PPIP5K2: variants seen among roughly 807,000 people sequenced by gnomAD.
PPIP5K2 encodes inositol hexakisphosphate and diphosphoinositol-pentakisphosphate kinase 2.
PPIP5K2 carries 105 observed loss-of-function variants against 154.6 expected under a neutral mutation model. The observed-to-expected ratio is 0.68, with a 90% CI of 0.58 to 0.80. The LOEUF (loss-of-function observed/expected upper bound fraction) is 0.80, where lower values mean the gene tolerates loss of function less well. PPIP5K2 is among the 30% of genes least tolerant of loss of function. PPIP5K2 has a pLI of 0.00. For missense variants in PPIP5K2, 992 were observed against 1,504.6 expected (o/e 0.66, Z 5.64); for synonymous variants, 480 against 490.3 (o/e 0.98, Z 0.28).
At chr5:103,170,658 A>ATT (rs571928528) in intron 19 of PPIP5K2, among the ~76,000 whole-genome samples, 2 of 146,230 alleles carry the variant, frequency 1.4e-5, no homozygotes, top group African/African-American at 4.9e-5. Flanking sequence ...GAAACTTTGG[A>ATT]TTTTTTTTTT....
Position 103,206,946 on chromosome 5 carries a change from A to T in PPIP5K2, c.*5312A>T, listed in dbSNP as rs1803547306. ...AAACAACTGAGTCAGAGTGGAGATG[A>T]GTGTCTCAGTCAAGGCCCACCAATA... On this transcript the variant is annotated 3_prime_UTR_variant, in exon 31 of 31. Transcript: ENST00000358359. The T allele has an allele frequency of 6.6e-6, 1 of 152,260 alleles. No individual in the cohort carries two copies. Among genetic ancestry groups the T allele is most frequent in the African/African-American group, 2.4e-5 (1 of 41,458 alleles). The allele number at this position is 152,260 out of a possible 1,614,324, so 9.4% of individuals were successfully genotyped here. A position where few individuals can be genotyped will look rare whatever the true frequency, so the allele number is the denominator to read the frequency against.
intron 17 of PPIP5K2, 70 bp downstream of exon 17, chr5:103,159,398 A>T (rs1426191923): frequency 1.6e-6 from 2 of 1,257,278 alleles, no homozygotes; most frequent in Non-Finnish European, 2.2e-6. Context: ...TGCATAAAAC[A>T]TACATGTAGA....
At chr5:103,135,841 C>A (rs1313104795) in intron 3 of PPIP5K2, among the ~76,000 whole-genome samples, 2 of 151,908 alleles carry the variant, frequency 1.3e-5, no homozygotes, top group African/African-American at 4.8e-5. Flanking sequence ...GTAATTAGTA[C>A]TTTTACCAGT....
intron 17 of PPIP5K2, 30 bp from the exon 18 acceptor site, chr5:103,167,149 A>G: frequency 3.4e-6 from 5 of 1,453,358 alleles, no homozygotes; most frequent in Non-Finnish European, 3.7e-6. Context: ...GCATAACCAG[A>G]TATAAAATAT....
At position 103,212,137 on chromosome 5, in the gene PPIP5K2, G is replaced by C. The variant is rs1414177737; in HGVS notation, c.*10503G>C. 1 of 152,068 alleles carries C rather than the reference G, an allele frequency of 6.6e-6. No individual in the cohort carries two copies. The highest frequency in any genetic ancestry group is 2.4e-5 in the African/African-American group (1 of 41,406). The allele number at this position is 152,068 out of a possible 1,614,324, so 9.4% of individuals were successfully genotyped here. A position where few individuals can be genotyped will look rare whatever the true frequency, so the allele number is the denominator to read the frequency against. ...ATGCATGACAGATTGCTGGAATTGGGCTCCATTCACAAAGGAGGGAGCAGG... is the reference window on the plus strand; with the variant it reads ...ATGCATGACAGATTGCTGGAATTGGCCTCCATTCACAAAGGAGGGAGCAGG... On this transcript the variant is annotated 3_prime_UTR_variant, in exon 31 of 31. Transcript: ENST00000358359.
chr5:103,202,048 C>A lies in PPIP5K2; in HGVS notation c.*414C>A, dbSNP rs1205546281. On this transcript the variant is annotated 3_prime_UTR_variant, in exon 31 of 31. Transcript: ENST00000358359. ...GATTGAAATTTGACAGCCAGGGTTA[C>A]ATATTGGGGACTTTTAAAGTGTCTT... 1 of 155,960 alleles carries A rather than the reference C, an allele frequency of 6.4e-6. No homozygotes were observed. Among genetic ancestry groups the A allele is most frequent in the East Asian group, 1.9e-4 (1 of 5,296 alleles). 9.7% of individuals were successfully genotyped at this position (155,960 alleles called of 1,614,324 possible). A position where few individuals can be genotyped will look rare whatever the true frequency, so the allele number is the denominator to read the frequency against.
chr5:103,132,309 A>T (rs1790760708), intron 2 of PPIP5K2, among the ~76,000 whole-genome samples: 1 of 152,178 alleles, frequency 6.6e-6, no homozygotes, highest in Admixed American at 6.5e-5. Flanking sequence ...TGGGAGGCCG[A>T]AGCAGACAGA....
At position 103,174,012 on chromosome 5, in the gene PPIP5K2, A is replaced by G. The variant is rs375555275; in HGVS notation, c.2529+40A>G. ...TTATTTCAGTCTAACAAATATATTT[A>G]ATTTTGTAATTAAATCACTAACTGC... On this transcript the variant is annotated intron_variant, in intron 21 of 30. Transcript: ENST00000358359. 7.9e-6 allele frequency: 11 copies of G among 1,389,676 alleles called. No individual in the cohort carries two copies. The African/African-American group carries it at 1.5e-4, about 18-fold the overall frequency. 86.1% of individuals were successfully genotyped at this position (1,389,676 alleles called of 1,614,324 possible).
rs1554211713 is a variant in PPIP5K2, at chr5:103,152,691, T to C, written c.1072T>C (p.Trp358Arg). Residue 358 changes from tryptophan (W) to arginine (R), a missense_variant, in exon 10 of 31, where the codon TGG becomes CGG. This residue lies in a region of PPIP5K2 where 163 missense variants were observed against 285.2 expected (regional missense o/e 0.57). Transcript: ENST00000358359. ...ACTTGCTCCACAATTTCATATTCCATGGTCAATACCCTTAGAAGCTGAAGA... is the reference window on the plus strand; with the variant it reads ...ACTTGCTCCACAATTTCATATTCCACGGTCAATACCCTTAGAAGCTGAAGA... The part of the protein sequence containing the change: ...RELAPQFHIP[W>R]SIPLEAEDIP... 1 of 1,597,582 alleles carries C rather than the reference T, an allele frequency of 6.3e-7. No individual in the cohort carries two copies. Among genetic ancestry groups the C allele is most frequent in the Non-Finnish European group, 8.6e-7 (1 of 1,165,630 alleles).
chr5:103,179,974 TTTC>T, intron 23 of PPIP5K2, 44 bp from the exon 24 acceptor site: 1 of 1,437,136 alleles, frequency 7.0e-7, no homozygotes, highest in Non-Finnish European at 9.2e-7. Flanking sequence ...TCAGAAGAGA[TTTC>T]TTAAATCTGA....
At position 103,183,285 on chromosome 5, in the gene PPIP5K2, C is replaced by T; in HGVS notation, c.2974C>T (p.His992Tyr). The T allele has an allele frequency of 2.0e-6, 3 of 1,485,004 alleles. No homozygotes were observed. The highest frequency in any genetic ancestry group is 2.7e-6 in the Non-Finnish European group (3 of 1,109,204). The allele number at this position is 1,485,004 out of a possible 1,614,324, so 92.0% of individuals were successfully genotyped here. ...SSPEGTGTWL[H>Y]YTSGVGTGRR... ...CCCAGAGGGTACTGGTACCTGGCTG[C>T]ATTATACCAGTGGTGTGGGTACTGG... Residue 992 changes from histidine (H) to tyrosine (Y), a missense_variant, in exon 25 of 31, where the codon CAT becomes TAT. By Grantham distance (83) the His-to-Tyr change is moderately conservative. Around this residue, in one of 9 missense-constraint regions of PPIP5K2, gnomAD observed 204 missense variants for 224.0 expected, o/e 0.91. Coordinates refer to ENST00000358359, the MANE Select transcript of PPIP5K2 (RefSeq NM_001276277.3).
At chr5:103,180,317 A>AT in intron 24 of PPIP5K2, 129 bp downstream of exon 24, 1 of 674,986 alleles carries the variant, frequency 1.5e-6, no homozygotes, top group Non-Finnish European at 2.1e-6. Flanking sequence ...TATTTAATCT[A>AT]TTTTTAAATA....
At chr5:103,126,929 G>A (rs1372303810) in intron 1 of PPIP5K2, among the ~76,000 whole-genome samples, 1 of 151,990 alleles carries the variant, frequency 6.6e-6, no homozygotes, top group Non-Finnish European at 1.5e-5. Context: ...ATCCAATCAA[G>A]TTGACACTCA....
chr5:103,201,823 G>A lies in PPIP5K2; in HGVS notation c.*189G>A. The A allele has an allele frequency of 3.7e-6, 2 of 539,436 alleles. No individual in the cohort carries two copies. Among genetic ancestry groups the A allele is most frequent in the East Asian group, 3.3e-5 (1 of 30,576 alleles). The allele number at this position is 539,436 out of a possible 1,614,324, so 33.4% of individuals were successfully genotyped here. A position where few individuals can be genotyped will look rare whatever the true frequency, so the allele number is the denominator to read the frequency against. Reference sequence around the variant, plus strand: ...AATGTTTGTTAGCATTCTGTGAGCAGCAAAACTTATAGTGATAAAAATCGA... The same window carrying A: ...AATGTTTGTTAGCATTCTGTGAGCAACAAAACTTATAGTGATAAAAATCGA... On this transcript the variant is annotated 3_prime_UTR_variant, in exon 31 of 31. Transcript: ENST00000358359.
Position 103,151,186 on chromosome 5 carries a change from G to C in PPIP5K2, c.907-67G>C, listed in dbSNP as rs1583307385. 4.4e-6 allele frequency: 6 copies of C among 1,351,856 alleles called. No individual in the cohort carries two copies. In the Admixed American group the frequency reaches 8.7e-5, roughly 20 times the overall value. 83.7% of individuals were successfully genotyped at this position (1,351,856 alleles called of 1,614,324 possible). On this transcript the variant is annotated intron_variant, in intron 8 of 30. Transcript: ENST00000358359. ...TTATAAAATTTGATATGTTCTGATAGGACTAGAAAACTGTGAATCTTAATA... is the reference window on the plus strand; with the variant it reads ...TTATAAAATTTGATATGTTCTGATACGACTAGAAAACTGTGAATCTTAATA...
chr5:103,191,421 C>T (rs913271545), intron 29 of PPIP5K2, among the ~76,000 whole-genome samples: 1 of 151,992 alleles, frequency 6.6e-6, no homozygotes, highest in African/African-American at 2.4e-5. Flanking sequence ...CTAAAGACAG[C>T]AAATTAGGAC....
chr5:103,145,206 T>A (rs1414155488), intron 5 of PPIP5K2, among the ~76,000 whole-genome samples: 5 of 152,158 alleles, frequency 3.3e-5, no homozygotes, highest in African/African-American at 1.2e-4. Flanking sequence ...TGTGATGAGA[T>A]ATCAACTCAT....
At position 103,159,061 on chromosome 5, in the gene PPIP5K2, T is replaced by C. The variant is rs112978191; in HGVS notation, c.1738-85T>C. 1.4e-4 allele frequency: 136 copies of C among 939,986 alleles called. 1 individual carries two copies. The Middle Eastern group carries it at 5.7e-3, about 39-fold the overall frequency. 58.2% of individuals were successfully genotyped at this position (939,986 alleles called of 1,614,324 possible). A position where few individuals can be genotyped will look rare whatever the true frequency, so the allele number is the denominator to read the frequency against. On this transcript the variant is annotated intron_variant, in intron 16 of 30. Transcript: ENST00000358359. ...GTTTATTTATGATAAACTTAACTTA[T>C]ACTTTATGAAAATCAGTATGTAACA...
chr5:103,174,951 C>T (rs548024672), intron 21 of PPIP5K2, among the ~76,000 whole-genome samples: 1 of 152,208 alleles, frequency 6.6e-6, no homozygotes, highest in Admixed American at 6.6e-5. Flanking sequence ...CTCAGTGCCA[C>T]CCCCTCCACT....
Sources: allele counts gnomAD v4.1 joint callset (sites outside exome capture counted in the v4.1 genomes callset), GRCh38; gene constraint gnomAD v4.1.1; regional missense constraint gnomAD v4.1.1; transcripts MANE v1.5; gene names NCBI Gene and HGNC (gene_info 2026-07-23, HGNC 2026-07-21).